Variants in DLG2 observed in about 807,000 individuals in gnomAD.
DLG2 encodes the protein disks large homolog 2.
Under a neutral mutation model 132.5 loss-of-function variants are expected in DLG2, and 45 were observed. The ratio of observed to expected loss-of-function variants is 0.34; its 90% confidence interval spans 0.27 to 0.44. The LOEUF is 0.44. DLG2 is among the 20% of genes least tolerant of loss of function. The pLI is 1.00. For missense variants in DLG2, 1,045 were observed against 1,196.9 expected (o/e 0.87, Z 1.87); for synonymous variants, 424 against 419.6 (o/e 1.01, Z -0.13).
intron 8 of DLG2, among the ~76,000 whole-genome samples, chr11:84,237,715 T>C (rs2097175592): frequency 6.6e-6 from 1 of 152,048 alleles, no homozygotes; most frequent in Non-Finnish European, 1.5e-5. Context: ...GGGGAAGTAA[T>C]TTAGGGCTGA....
intron 7 of DLG2, among the ~76,000 whole-genome samples, chr11:84,274,090 G>C (rs1270733778): frequency 6.6e-6 from 1 of 152,116 alleles, no homozygotes; most frequent in Non-Finnish European, 1.5e-5. Context: ...AAAGAAATAT[G>C]CATGTGCACT....
In DLG2 at chr11:85,323,219, T is replaced by C. The variant is rs543171678; in HGVS notation, c.41-37854A>G. On this transcript the variant is annotated intron_variant, in intron 3 of 27. Coordinates refer to ENST00000376104, the MANE Select transcript of DLG2 (RefSeq NM_001142699.3). Reference sequence around the variant, plus strand: ...TATTCTACCCTCTTCCAACCATTACTATCACTAACAGTCTCCTAAAATATT... The same window carrying C: ...TATTCTACCCTCTTCCAACCATTACCATCACTAACAGTCTCCTAAAATATT... 5.3e-5 allele frequency among the ~76,000 whole-genome samples: 8 copies of C among 152,304 alleles called. No individual in the cohort carries two copies. The South Asian group carries it at 1.7e-3, about 32-fold the overall frequency.
chr11:85,504,564 T>C (rs565626373), intron 3 of DLG2, among the ~76,000 whole-genome samples: 1 of 152,302 alleles, frequency 6.6e-6, no homozygotes, highest in East Asian at 1.9e-4. Context: ...TCTGTTCCAT[T>C]GGTCTATATC....
intron 4 of DLG2, among the ~76,000 whole-genome samples, chr11:85,213,481 T>C (rs1394812375): frequency 5.3e-5 from 8 of 152,122 alleles, no homozygotes; most frequent in African/African-American, 1.9e-4. Flanking sequence ...AGAGTTATTA[T>C]CTAAAGACCT....
At chr11:83,728,615 A>T (rs2090453258) in intron 18 of DLG2, among the ~76,000 whole-genome samples, 1 of 152,222 alleles carries the variant, frequency 6.6e-6, no homozygotes, top group Non-Finnish European at 1.5e-5. Flanking sequence ...GTATGACCCA[A>T]CATAGCATTT....
intron 19 of DLG2, among the ~76,000 whole-genome samples, chr11:83,583,126 T>A (rs547696532): frequency 6.6e-6 from 1 of 152,336 alleles, no homozygotes; most frequent in African/African-American, 2.4e-5. Context: ...TTAGTAAAAG[T>A]GCACTAGTTA....
At chr11:85,501,907 C>G (rs989093020) in intron 3 of DLG2, among the ~76,000 whole-genome samples, 11 of 152,130 alleles carry the variant, frequency 7.2e-5, no homozygotes, top group African/African-American at 2.7e-4. Context: ...ACCCATCAAT[C>G]CGATTACCAG....
Position 85,394,222 on chromosome 11 carries a change from T to C in DLG2, c.41-108857A>G, listed in dbSNP as rs1041867011. On this transcript the variant is annotated intron_variant, in intron 3 of 27. Coordinates refer to ENST00000376104, the MANE Select transcript of DLG2 (RefSeq NM_001142699.3). ...TTTAAAACAAATGAGGTAATATATA[T>C]GTTAATTAGATTGATTTAGCCATTC... Among the ~76,000 whole-genome samples the C allele has an allele frequency of 2.0e-5, 3 of 152,320 alleles. No individual in the cohort carries two copies. The East Asian group carries it at 5.8e-4, about 29-fold the overall frequency.
chr11:84,913,531 T>C (rs764216803), intron 6 of DLG2, among the ~76,000 whole-genome samples: 1 of 152,168 alleles, frequency 6.6e-6, no homozygotes, highest in Non-Finnish European at 1.5e-5. Context: ...TTCCCTATTA[T>C]GCAGCCACTT....
intron 10 of DLG2, among the ~76,000 whole-genome samples, chr11:84,077,340 G>C (rs1428746712): frequency 6.6e-6 from 1 of 152,126 alleles, no homozygotes; most frequent in African/African-American, 2.4e-5. Flanking sequence ...TCTTGATTTT[G>C]CCAAATCTAA....
chr11:83,781,559 C>T (rs2094830462), intron 18 of DLG2, among the ~76,000 whole-genome samples: 1 of 152,116 alleles, frequency 6.6e-6, no homozygotes, highest in Non-Finnish European at 1.5e-5. Flanking sequence ...AAATCAGGTC[C>T]CTTCACTATC....
At chr11:85,571,115 C>A (rs1317180562) in intron 3 of DLG2, among the ~76,000 whole-genome samples, 1 of 152,008 alleles carries the variant, frequency 6.6e-6, no homozygotes, top group East Asian at 1.9e-4. Context: ...TACCTAAGGA[C>A]AGTTTATATT....
At chr11:84,522,073 C>T (rs569055944) in intron 7 of DLG2, among the ~76,000 whole-genome samples, 1 of 151,842 alleles carries the variant, frequency 6.6e-6, no homozygotes, top group Non-Finnish European at 1.5e-5. Context: ...GAAGCTGAAG[C>T]AGGCGAATCA....
At chr11:83,983,389 G>T (rs2092969706) in intron 11 of DLG2, among the ~76,000 whole-genome samples, 1 of 151,742 alleles carries the variant, frequency 6.6e-6, no homozygotes, top group African/African-American at 2.4e-5. Context: ...AAATAATAAA[G>T]CTATCATTAA....
At chr11:85,074,888 G>A (rs912205247) in intron 6 of DLG2, among the ~76,000 whole-genome samples, 26 of 151,868 alleles carry the variant, frequency 1.7e-4, no homozygotes, top group African/African-American at 6.3e-4. Context: ...TAAATCTAGA[G>A]AGAGATGCTC....
intron 6 of DLG2, among the ~76,000 whole-genome samples, chr11:84,762,859 T>A (rs1370754667): frequency 4.2e-4 from 64 of 152,152 alleles, no homozygotes; most frequent in Admixed American, 4.1e-3. Flanking sequence ...AGGGCTATGT[T>A]GGGAGAAATA....
chr11:85,499,192 C>T (rs926361304), intron 3 of DLG2, among the ~76,000 whole-genome samples: 1 of 151,308 alleles, frequency 6.6e-6, no homozygotes, highest in South Asian at 2.1e-4. Context: ...ACAAAATAGA[C>T]CACTAGCAAA....
intron 6 of DLG2, among the ~76,000 whole-genome samples, chr11:84,749,685 C>T (rs1051447943): frequency 6.6e-6 from 1 of 152,040 alleles, no homozygotes. Flanking sequence ...CTATCCCTCT[C>T]GTTAAGTGAT....
chr11:83,634,125 G>T (rs1425673326), intron 18 of DLG2, among the ~76,000 whole-genome samples: 1 of 151,804 alleles, frequency 6.6e-6, no homozygotes, highest in Admixed American at 6.6e-5. Flanking sequence ...AGGGGGTGGG[G>T]GTCTGCTAGA....
Sources: gnomAD v4.1 joint callset for allele counts (sites outside exome capture counted in the v4.1 genomes callset) on GRCh38, gnomAD v4.1.1 for gene constraint, MANE v1.5 for transcripts, NCBI Gene and HGNC (gene_info 2026-07-23, HGNC 2026-07-21) for gene names.